The following RYR2 variants were observed in gnomAD, a reference collection of about 807,000 sequenced individuals.
The protein encoded by RYR2 is cardiac muscle ryanodine receptor-calcium release channel.
Under a neutral mutation model 601.1 loss-of-function variants are expected in RYR2, and 227 were observed. That is an observed-to-expected ratio of 0.38 (90% CI 0.34 to 0.42). The LOEUF (loss-of-function observed/expected upper bound fraction) is 0.42. Among genes scored for constraint, RYR2 ranks in the 10% least tolerant of loss-of-function variants. The pLI is 1.00. For missense variants in RYR2, 4,646 were observed against 6,156.5 expected, an observed-to-expected ratio of 0.75 and a Z score of 8.21; for synonymous variants, 2,223 against 2,175.1, an observed-to-expected ratio of 1.02 and a Z score of -0.61.
chr1:237,166,930 C>T (rs12089014), intron 1 of RYR2, among the ~76,000 whole-genome samples: 5,033 of 152,226 alleles, frequency 0.033, 253 homozygotes, highest in African/African-American at 0.11. Context: ...TTAGATTACA[C>T]GAGATGAAGT....
At chr1:237,099,779 G>A (rs1283603901) in intron 1 of RYR2, among the ~76,000 whole-genome samples, 1 of 152,230 alleles carries the variant, frequency 6.6e-6, no homozygotes, top group African/African-American at 2.4e-5. Flanking sequence ...TGAGTATTGA[G>A]TGCTAGGCAC....
chr1:237,530,465 A>C lies in RYR2; in HGVS notation c.2861A>C (p.Asp954Ala). 6.2e-7 allele frequency: 1 copy of C among 1,609,790 alleles called. No individual in the cohort carries two copies. Among genetic ancestry groups the C allele is most frequent in the Non-Finnish European group, 8.5e-7 (1 of 1,177,974 alleles). ...LALGCHVGIS[D>A]EHAEDKVKKM... ...TTAGGATGTCATGTGGGTATATCAG[A>C]TGAACATGCTGAAGACAAGGTGAAA... The change falls in exon 25 of 105, where the codon GAT (aspartate) becomes GCT (alanine). Residue 954 changes from aspartate to alanine, a missense_variant. By Grantham distance (126) the Asp-to-Ala change is moderately radical. Around this residue, in one of 17 missense-constraint regions of RYR2, gnomAD observed 1,807 missense variants for 2,088.1 expected, o/e 0.87. Coordinates refer to ENST00000366574, the MANE Select transcript of RYR2 (RefSeq NM_001035.3).
At chr1:237,285,708 T>C (rs1432863591) in intron 2 of RYR2, among the ~76,000 whole-genome samples, 1 of 152,162 alleles carries the variant, frequency 6.6e-6, no homozygotes, top group Admixed American at 6.5e-5. Context: ...TCACTGCTTG[T>C]TATTGGTCTG....
chr1:237,507,173 A>G lies in RYR2; in HGVS notation c.2718+359A>G, dbSNP rs571759459. Among the ~76,000 whole-genome samples, 7 of 152,380 alleles carry G rather than the reference A, an allele frequency of 4.6e-5. No individual in the cohort carries two copies. The South Asian group carries it at 1.4e-3, about 32-fold the overall frequency. ...AAATTGAAAGTGAAAACTGAAAATG[A>G]AAAGAAGGCAATTTACTTTTCTCTC... On this transcript the variant is annotated intron_variant, in intron 23 of 104. Transcript: ENST00000366574.
intron 1 of RYR2, among the ~76,000 whole-genome samples, chr1:237,068,250 C>T (rs1179026013): frequency 3.9e-5 from 6 of 151,936 alleles, no homozygotes; most frequent in East Asian, 3.9e-4. Context: ...CATGCAGAGA[C>T]GAGGACATTG....
intron 12 of RYR2, among the ~76,000 whole-genome samples, chr1:237,427,097 A>G (rs774604944): frequency 2.6e-5 from 4 of 152,198 alleles, no homozygotes; most frequent in Non-Finnish European, 4.4e-5. Context: ...CTAAAACAAG[A>G]TGATGGAAGA....
rs544960566 is a variant in RYR2 at position 237,649,353 on chromosome 1, C to G, written c.7513-524C>G. On this transcript the variant is annotated intron_variant, in intron 49 of 104. Transcript: ENST00000366574. Reference sequence around the variant, plus strand: ...AAAATGAAATGAAAATTTCTTTTTTCTTTGTTTTGTGTATTCACCTGACGT... The same window carrying G: ...AAAATGAAATGAAAATTTCTTTTTTGTTTGTTTTGTGTATTCACCTGACGT... Among the ~76,000 whole-genome samples the G allele has an allele frequency of 1.8e-4, 28 of 152,108 alleles. No individual in the cohort carries two copies. In the South Asian group the frequency reaches 5.8e-3, roughly 32 times the overall value.
rs370270339 is a variant in RYR2, at chr1:237,264,752, G to C, written c.49-5745G>C. Among the ~76,000 whole-genome samples the C allele has an allele frequency of 7.3e-5, 11 of 151,354 alleles. No individual in the cohort carries two copies. In the South Asian group the frequency reaches 1.9e-3, roughly 26 times the overall value. ...CTCTTGTCACCCAGGATGGAGTGTA[G>C]TGGCGTGATCTCGGCTCACTGCAAC... On this transcript the variant is annotated intron_variant, in intron 1 of 104. Coordinates refer to ENST00000366574, the MANE Select transcript of RYR2 (RefSeq NM_001035.3).
At chr1:237,086,058 T>C (rs12118388) in intron 1 of RYR2, among the ~76,000 whole-genome samples, 58,552 of 152,158 alleles carry the variant, frequency 0.38, 12,505 homozygotes, top group Non-Finnish European at 0.47. Flanking sequence ...CCCAGCCTGC[T>C]TCTGACATTT....
rs566808055 is a variant in RYR2 at position 237,659,618 on chromosome 1, A to T, written c.8209-367A>T. On this transcript the variant is annotated intron_variant, in intron 54 of 104. Transcript: ENST00000366574. ...AGAATAAATATCCTTGGGACCATGC[A>T]TCCCTCTAGCCTCCTCCTGTGGGAA... 3.0e-4 allele frequency among the ~76,000 whole-genome samples: 46 copies of T among 152,326 alleles called. No homozygotes were observed. The South Asian group carries it at 5.0e-3, about 16-fold the overall frequency.
At chr1:237,696,480 T>G (rs113122785) in intron 63 of RYR2, among the ~76,000 whole-genome samples, 2,870 of 152,234 alleles carry the variant, frequency 0.019, 43 homozygotes, top group South Asian at 0.037. Context: ...TAGAATTAAA[T>G]GTATGTTTAC....
intron 29 of RYR2, among the ~76,000 whole-genome samples, chr1:237,585,317 AAATGGTAAT>A (rs1471740849): frequency 1.3e-5 from 2 of 152,178 alleles, no homozygotes; most frequent in Non-Finnish European, 2.9e-5. Flanking sequence ...CTCATGTGGA[AAATGGTAAT>A]AACGATTCCT....
intron 87 of RYR2, among the ~76,000 whole-genome samples, chr1:237,775,484 A>T (rs918735545): frequency 6.6e-6 from 1 of 152,322 alleles, no homozygotes; most frequent in East Asian, 1.9e-4. Flanking sequence ...TATTGATACT[A>T]TGAAGATAAG....
At chr1:237,411,708 A>T (rs1010721076) in intron 10 of RYR2, among the ~76,000 whole-genome samples, 29 of 152,298 alleles carry the variant, frequency 1.9e-4, no homozygotes, top group African/African-American at 6.7e-4. Context: ...AATGAGACAG[A>T]GAGGTCAACA....
intron 1 of RYR2, among the ~76,000 whole-genome samples, chr1:237,236,023 C>T (rs554249881): frequency 1.3e-5 from 2 of 152,332 alleles, no homozygotes; most frequent in African/African-American, 4.8e-5. Flanking sequence ...TATGGTGCCT[C>T]TATGAGCACA....
At chr1:237,117,359 G>A (rs1014268711) in intron 1 of RYR2, among the ~76,000 whole-genome samples, 2 of 152,140 alleles carry the variant, frequency 1.3e-5, no homozygotes, top group Non-Finnish European at 2.9e-5. Flanking sequence ...AGGTGGGGAG[G>A]TCAGTGGAGG....
chr1:237,481,834 AAC>A (rs1491512512), intron 17 of RYR2, among the ~76,000 whole-genome samples: 2,571 of 137,968 alleles, frequency 0.019, 215 homozygotes, highest in East Asian at 0.056. Flanking sequence ...AAAAAAAAAA[AAC>A]CACCTCCCAA....
At chr1:237,163,424 T>A (rs1266023919) in intron 1 of RYR2, among the ~76,000 whole-genome samples, 2 of 131,088 alleles carry the variant, frequency 1.5e-5, no homozygotes, top group Non-Finnish European at 3.1e-5. Flanking sequence ...TTGAGTACCC[T>A]CCAGGCCTCT....
At chr1:237,169,175 A>G (rs997444440) in intron 1 of RYR2, among the ~76,000 whole-genome samples, 1 of 152,224 alleles carries the variant, frequency 6.6e-6, no homozygotes, top group African/African-American at 2.4e-5. Flanking sequence ...ACATGTATTC[A>G]TCATTTTCTA....
Sources: gnomAD v4.1 joint callset for allele counts (sites outside exome capture counted in the v4.1 genomes callset) on GRCh38, gnomAD v4.1.1 for gene constraint, gnomAD v4.1.1 regional missense constraint, MANE v1.5 for transcripts, NCBI Gene and HGNC (gene_info 2026-07-23, HGNC 2026-07-21) for gene names.